Variants in ASB6 observed in about 807,000 individuals in gnomAD.
ASB6 encodes ankyrin repeat and SOCS box containing 6.
A neutral mutation model predicts 28.6 loss-of-function variants in ASB6; 24 were observed. The ratio of observed to expected loss-of-function variants is 0.84; its 90% CI spans 0.61 to 1.18. The LOEUF (loss-of-function observed/expected upper bound fraction) is 1.18, where lower values mean the gene tolerates loss of function less well. Ranked by LOEUF, ASB6 falls within the 50% of genes most tolerant of loss-of-function variation. The pLI is 0.00. For missense variants in ASB6, 519 were observed against 559.8 expected, an observed-to-expected ratio of 0.93 and a Z score of 0.74; for synonymous variants, 267 against 243.4, an observed-to-expected ratio of 1.10 and a Z score of -0.90.
chr9:129,638,354 C>T lies in ASB6; in HGVS notation c.702G>A (p.Met234Ile). The T allele has an allele frequency of 6.2e-7, 1 of 1,613,314 alleles. No individual in the cohort carries two copies. The change falls in exon 6 of 6, where the codon ATG (methionine) becomes ATA (isoleucine). Residue 234 changes from methionine to isoleucine, a missense_variant. By Grantham distance (10) the Met-to-Ile change is conservative (BLOSUM62 1). Coordinates refer to ENST00000277458, the MANE Select transcript of ASB6 (RefSeq NM_017873.4). ...TGACTTGGAAGCAGAAGCGGTTGATCATCTGGGCCTCCTCTTTGTCCCCTC... is the reference window on the plus strand; with the variant it reads ...TGACTTGGAAGCAGAAGCGGTTGATTATCTGGGCCTCCTCTTTGTCCCCTC... The part of the protein sequence containing the change: ...TVGGDKEEAQ[M>I]INRFCFQVTR...
Position 129,640,253 on chromosome 9 carries a change from A to G in ASB6, c.295+288T>C, listed in dbSNP as rs997245028. ...ACAGTGCCAGCAGCCGCATTTTTGC[A>G]TTAATGGAAGTGGGGATTAATCTGG... On this transcript the variant is annotated intron_variant, in intron 2 of 5. Transcript: ENST00000277458. Among the ~76,000 whole-genome samples, 9 of 152,272 alleles carry G rather than the reference A, an allele frequency of 5.9e-5. No homozygotes were observed. In the South Asian group the frequency reaches 6.2e-4, roughly 11 times the overall value.
At chr9:129,639,562 G>GC in intron 2 of ASB6, 54 bp from the exon 3 acceptor site, 1 of 1,505,404 alleles carries the variant, frequency 6.6e-7, no homozygotes, top group Non-Finnish European at 9.1e-7. Context: ...TTCTTATGGG[G>GC]CCCCCGGACC....
In ASB6 at chr9:129,636,782, C is replaced by T. The variant is rs1831566806; in HGVS notation, c.*1008G>A. 6.6e-6 allele frequency: 1 copy of T among 152,188 alleles called. No homozygotes were observed. The highest frequency in any genetic ancestry group is 2.1e-4 in the South Asian group (1 of 4,828). The allele number at this position is 152,188 out of a possible 1,614,324, so 9.4% of individuals were successfully genotyped here. A position where few individuals can be genotyped will look rare whatever the true frequency, so the allele number is the denominator to read the frequency against. On this transcript the variant is annotated 3_prime_UTR_variant, in exon 6 of 6. Transcript: ENST00000277458. Reference sequence around the variant, plus strand: ...TTTGCAGGGACTTGGAAACAACCCCCCAAACACAGCATCCCCTCACACCTG... The same window carrying T: ...TTTGCAGGGACTTGGAAACAACCCCTCAAACACAGCATCCCCTCACACCTG...
chr9:129,641,749 G>T (rs748209693), intron 1 of ASB6, 138 bp downstream of exon 1: 1 of 953,864 alleles, frequency 1.0e-6, no homozygotes, highest in African/African-American at 1.7e-5. Context: ...CGCGCACTCC[G>T]AGCCACGCAA....
chr9:129,637,574 G>A lies in ASB6; in HGVS notation c.*216C>T, dbSNP rs1558871. 319,522 of 411,524 alleles carry A rather than the reference G, an allele frequency of 0.78. 125,497 individuals carry two copies. Among genetic ancestry groups the A allele is most frequent in the African/African-American group, 0.83 (40,701 of 48,924 alleles). The allele number at this position is 411,524 out of a possible 1,614,324, so 25.5% of individuals were successfully genotyped here. On this transcript the variant is annotated 3_prime_UTR_variant, in exon 6 of 6. Transcript: ENST00000277458. ...CAACATGGGGGGGACTTGGAGTGCC[G>A]CTGGAGGGAAGGGGGCAGTCTCTCT...
intron 5 of ASB6, 48 bp from the exon 6 acceptor site, chr9:129,638,505 TG>T (rs1564354712): frequency 6.2e-7 from 1 of 1,609,116 alleles, no homozygotes. Context: ...CCTTCAACCC[TG>T]GCAAAGCAAC....
chr9:129,638,096 CGCAT>C lies in ASB6; in HGVS notation c.956_959del (p.His319ArgfsTer15). ...CAGTCTCAGCTTTGCGCAGGAGGTC[CGCAT>C]GGCTCTCGTCTTCCGTGCAGCCTGG... On this transcript the variant is annotated frameshift_variant, in exon 6 of 6. Coordinates refer to ENST00000277458, the MANE Select transcript of ASB6 (RefSeq NM_017873.4). LOFTEE classifies it high-confidence loss of function. 6.2e-7 allele frequency: 1 copy of C among 1,614,166 alleles called. No individual in the cohort carries two copies. The highest frequency in any genetic ancestry group is 8.5e-7 in the Non-Finnish European group (1 of 1,180,038).
rs1226116266 is a variant in ASB6, at chr9:129,635,278, C to A, written c.*2512G>T. 17 of 1,613,622 alleles carry A rather than the reference C, an allele frequency of 1.1e-5. No individual in the cohort carries two copies. Among genetic ancestry groups the A allele is most frequent in the Non-Finnish European group, 1.4e-5 (17 of 1,179,986 alleles). ...AGGGCAGCCTCCGCCCCAACGGCATCATCGTCATCAAAGACAACATGGCCC... is the reference window on the plus strand; with the variant it reads ...AGGGCAGCCTCCGCCCCAACGGCATAATCGTCATCAAAGACAACATGGCCC... On this transcript the variant is annotated 3_prime_UTR_variant, in exon 6 of 6. Transcript: ENST00000277458.
At chr9:129,640,460 A>G in intron 2 of ASB6, 81 bp downstream of exon 2, 1 of 1,512,772 alleles carries the variant, frequency 6.6e-7, no homozygotes, top group South Asian at 1.3e-5. Context: ...GGATGGTAGA[A>G]GCCAAGGCTG....
rs1323547134 is a variant in ASB6 at position 129,642,126 on chromosome 9, C to A, written c.-127G>T. On this transcript the variant is annotated 5_prime_UTR_variant, in exon 1 of 6. Transcript: ENST00000277458. The surrounding 1 kb of genome is among the most constrained non-coding windows in gnomAD (Gnocchi z 4.3). The stretch of plus-strand genomic sequence containing the variant: ...CGCCAGTCCAGCCCCTGCGCCCGGC[C>A]GGGTCCGCTCCTCAGTCCAAGCCGC... 4 of 1,336,212 alleles carry A rather than the reference C, an allele frequency of 3.0e-6. No individual in the cohort carries two copies. The highest frequency in any genetic ancestry group is 3.1e-5 in the East Asian group (1 of 31,916). The allele number at this position is 1,336,212 out of a possible 1,614,324, so 82.8% of individuals were successfully genotyped here.
Position 129,636,206 on chromosome 9 carries a change from A to G in ASB6, c.*1584T>C, listed in dbSNP as rs111432607. On this transcript the variant is annotated 3_prime_UTR_variant, in exon 6 of 6. Coordinates refer to ENST00000277458, the MANE Select transcript of ASB6 (RefSeq NM_017873.4). ...GAGACCATCCTGGCTAACAGGTGAA[A>G]CCCCGTCTCTACTTAAAATACAAAA... The G allele has an allele frequency of 0.17, 25,613 of 148,680 alleles. 2,732 individuals carry two copies. Among genetic ancestry groups the G allele is most frequent in the East Asian group, 0.29 (1,481 of 5,028 alleles). The allele number at this position is 148,680 out of a possible 1,614,324, so 9.2% of individuals were successfully genotyped here.
At position 129,635,496 on chromosome 9, in the gene ASB6, C is replaced by T. The variant is rs1435218431; in HGVS notation, c.*2294G>A. ...GCTGGCAGGAGAAACTGAGGAACCACAGTCCTGGTGGGGGGAGCTGGCAGC... is the reference window on the plus strand; with the variant it reads ...GCTGGCAGGAGAAACTGAGGAACCATAGTCCTGGTGGGGGGAGCTGGCAGC... On this transcript the variant is annotated 3_prime_UTR_variant, in exon 6 of 6. Transcript: ENST00000277458. 1 of 1,592,662 alleles carries T rather than the reference C, an allele frequency of 6.3e-7. No individual in the cohort carries two copies. The highest frequency in any genetic ancestry group is 8.6e-7 in the Non-Finnish European group (1 of 1,167,350).
rs1185163391 is a variant in ASB6, at chr9:129,639,498, G to C, written c.306C>G (p.Thr102=). 9 of 1,612,778 alleles carry C rather than the reference G, an allele frequency of 5.6e-6. No homozygotes were observed. Among genetic ancestry groups the C allele is most frequent in the South Asian group, 1.1e-5 (1 of 90,994 alleles). Residue 102 remains threonine, a synonymous_variant, in exon 3 of 6, where the codon ACC becomes ACG. Coordinates refer to ENST00000277458, the MANE Select transcript of ASB6 (RefSeq NM_017873.4). ...CGGCGATGTGCAAGGCCGTGTAGTA[G>C]GTGACTGGGTCTGAAGGTGCAGACA... is the stretch of plus-strand genomic sequence containing the variant. ...GANLNFEDPV[T]YYTALHIAVL...
intron 5 of ASB6, 44 bp from the exon 6 acceptor site, chr9:129,638,501 A>G (rs1287349314): frequency 1.9e-6 from 3 of 1,609,054 alleles, no homozygotes; most frequent in East Asian, 4.5e-5. Context: ...AAGGCCTTCA[A>G]CCCTGGCAAA....
intron 1 of ASB6, 35 bp downstream of exon 1, chr9:129,641,852 C>A (rs900042704): frequency 7.7e-6 from 12 of 1,548,676 alleles, no homozygotes; most frequent in South Asian, 1.2e-5. Flanking sequence ...GGGGTCGGAG[C>A]GGCCTCGGCC....
Position 129,635,102 on chromosome 9 carries a change from A to T in ASB6, c.*2688T>A. The T allele has an allele frequency of 7.3e-7, 1 of 1,361,498 alleles. No individual in the cohort carries two copies. The highest frequency in any genetic ancestry group is 1.0e-6 in the Non-Finnish European group (1 of 996,500). 84.3% of individuals were successfully genotyped at this position (1,361,498 alleles called of 1,614,324 possible). A position where few individuals can be genotyped will look rare whatever the true frequency, so the allele number is the denominator to read the frequency against. On this transcript the variant is annotated 3_prime_UTR_variant, in exon 6 of 6. Coordinates refer to ENST00000277458, the MANE Select transcript of ASB6 (RefSeq NM_017873.4). ...CAATGAGGCCATGTGTGCACACAAA[A>T]TGCTGGGCACAAATGAGGGGCTCAG...
chr9:129,639,164 G>A (rs1164007693), intron 4 of ASB6, 38 bp downstream of exon 4: 6 of 1,560,884 alleles, frequency 3.8e-6, no homozygotes, highest in Non-Finnish European at 5.2e-6. Flanking sequence ...AGGTGCCTGG[G>A]GGCCCAGCTG....
chr9:129,639,894 C>A (rs139271920), intron 2 of ASB6, among the ~76,000 whole-genome samples: 1 of 152,204 alleles, frequency 6.6e-6, no homozygotes, highest in Non-Finnish European at 1.5e-5. Flanking sequence ...CCGGCCCTCC[C>A]GTCTCAGCTC....
chr9:129,638,748 C>CA (rs147281908), intron 4 of ASB6, 89 bp from the exon 5 acceptor site: 86,592 of 1,026,430 alleles, frequency 0.084, 4,988 homozygotes, highest in Admixed American at 0.12. Flanking sequence ...TCCAGACACT[C>CA]AGAGGATCAG....
Sources: gnomAD v4.1 joint callset for allele counts (sites outside exome capture counted in the v4.1 genomes callset) on GRCh38, gnomAD v4.1.1 for gene constraint, Gnocchi (gnomAD v3.1) non-coding constraint, MANE v1.5 for transcripts, NCBI Gene and HGNC (gene_info 2026-07-23, HGNC 2026-07-21) for gene names.